Variants in NTM observed in about 807,000 individuals in gnomAD.
NTM encodes the protein IgLON family member 2.
Under a neutral mutation model 42.1 loss-of-function variants are expected in NTM, and 13 were observed. The observed-to-expected ratio is 0.31, with a 90% CI of 0.20 to 0.49. The LOEUF is 0.49. Among genes scored for constraint, NTM ranks in the 20% least tolerant of loss-of-function variants. The probability of loss-of-function intolerance (pLI) is 0.99; values close to 1 mark genes in which losing one functional copy is unlikely to be tolerated. For synonymous variants in NTM, 187 were observed against 179.2 expected, an observed-to-expected ratio of 1.04 and a Z score of -0.35; for missense variants, 373 against 452.8, an observed-to-expected ratio of 0.82 and a Z score of 1.60.
chr11:131,853,930 A>C (rs1378334463), intron 1 of NTM, among the ~76,000 whole-genome samples: 1 of 151,918 alleles, frequency 6.6e-6, no homozygotes. Context: ...TGAGTTATAC[A>C]CTCCTATTTT....
intron 1 of NTM, among the ~76,000 whole-genome samples, chr11:131,680,479 GCACGTCTGTGTAGGCA>G (rs2072336560): frequency 9.5e-4 from 121 of 127,832 alleles, no homozygotes; most frequent in East Asian, 2.3e-3. Flanking sequence ...CTGTGTGTGT[GCACGTCTGTGTAGGCA>G]TGTGTGCCTC....
chr11:131,698,589 T>C lies in NTM; in HGVS notation c.83-212975T>C, dbSNP rs1217253246. On this transcript the variant is annotated intron_variant, in intron 1 of 8. Transcript: ENST00000683400. ...ATTTCCCATTGGAAAAAAAAAGTCC[T>C]AAAGATTTAGCTAATAATTTTATAA... 2.0e-5 allele frequency among the ~76,000 whole-genome samples: 3 copies of C among 152,158 alleles called. No individual in the cohort carries two copies. In the East Asian group the frequency reaches 5.8e-4, roughly 29 times the overall value.
intron 1 of NTM, among the ~76,000 whole-genome samples, chr11:131,581,275 G>A (rs2058385346): frequency 6.6e-6 from 1 of 152,186 alleles, no homozygotes; most frequent in East Asian, 1.9e-4. Context: ...CTCTCCAAAT[G>A]TGTAGATACT....
chr11:132,297,343 C>T (rs947365535), intron 4 of NTM, among the ~76,000 whole-genome samples: 7 of 152,162 alleles, frequency 4.6e-5, no homozygotes, highest in Admixed American at 2.0e-4. Context: ...AAATGGGATT[C>T]TTCAGGAAAG....
At chr11:131,390,390 G>C (rs1187093268) in intron 1 of NTM, among the ~76,000 whole-genome samples, 1 of 152,136 alleles carries the variant, frequency 6.6e-6, no homozygotes, top group Non-Finnish European at 1.5e-5. Context: ...GATTTGGAGG[G>C]AACAGACTAT....
At chr11:131,591,803 G>C (rs377759878) in intron 1 of NTM, among the ~76,000 whole-genome samples, 84 of 152,318 alleles carry the variant, frequency 5.5e-4, no homozygotes, top group African/African-American at 1.9e-3. Flanking sequence ...AATGGGAAGG[G>C]GGCAGTTCAT....
chr11:132,175,863 C>T (rs1208947974), intron 3 of NTM, among the ~76,000 whole-genome samples: 2 of 152,158 alleles, frequency 1.3e-5, no homozygotes, highest in Non-Finnish European at 2.9e-5. Context: ...TCTCGGGTTC[C>T]CCATTGAACT....
intron 2 of NTM, among the ~76,000 whole-genome samples, chr11:131,976,788 G>C (rs2064451018): frequency 6.6e-6 from 1 of 152,196 alleles, no homozygotes; most frequent in Non-Finnish European, 1.5e-5. Flanking sequence ...GTAGTATTTT[G>C]CTTTGAAAAG....
chr11:131,543,131 G>T (rs1035698273), intron 1 of NTM, among the ~76,000 whole-genome samples: 2 of 152,156 alleles, frequency 1.3e-5, no homozygotes, highest in Non-Finnish European at 2.9e-5. Flanking sequence ...TGTCCTACTT[G>T]TGAGCCAGTT....
chr11:131,636,181 G>A (rs2064350720), intron 1 of NTM, among the ~76,000 whole-genome samples: 1 of 152,168 alleles, frequency 6.6e-6, no homozygotes, highest in African/African-American at 2.4e-5. Context: ...AGGAGACACA[G>A]AGCCCCACCA....
intron 7 of NTM, among the ~76,000 whole-genome samples, chr11:132,320,173 G>T (rs531903519): frequency 6.6e-6 from 1 of 152,194 alleles, no homozygotes; most frequent in Non-Finnish European, 1.5e-5. Flanking sequence ...GATAAAAGCC[G>T]CAAGATGGCT....
At chr11:131,463,615 TAAATC>T (rs1951613744) in intron 1 of NTM, among the ~76,000 whole-genome samples, 1 of 152,234 alleles carries the variant, frequency 6.6e-6, no homozygotes, top group South Asian at 2.1e-4. Context: ...TTATCAAAAA[TAAATC>T]TATTGAATTT....
chr11:131,995,029 T>G lies in NTM; in HGVS notation c.167+83381T>G, dbSNP rs113116883. Among the ~76,000 whole-genome samples, 630 of 152,272 alleles carry G rather than the reference T, an allele frequency of 4.1e-3. 6 individuals carry two copies. Among genetic ancestry groups the G allele is most frequent in the African/African-American group, 0.014 (587 of 41,546 alleles). ...GGTAGTTCAGACTGTTGTTCCCTCT[T>G]ATTTGCATTATTGAAATGAGCCAGA... On this transcript the variant is annotated intron_variant, in intron 2 of 8. Coordinates refer to ENST00000683400, the MANE Select transcript of NTM (RefSeq NM_001352005.2).
Position 131,712,194 on chromosome 11 carries a change from A to C in NTM, c.83-199370A>C, listed in dbSNP as rs542120646. ...AAATTAAAAAAAAAAACAAAAAAAA[A>C]CCCCAAAACAAACAAAAAGAAGAAG... On this transcript the variant is annotated intron_variant, in intron 1 of 8. Transcript: ENST00000683400. Among the ~76,000 whole-genome samples the C allele has an allele frequency of 8.0e-4, 115 of 143,592 alleles. 2 individuals are homozygous for C. Among genetic ancestry groups the C allele is most frequent in the East Asian group, 2.5e-3 (12 of 4,862 alleles). 94.2% of individuals were successfully genotyped at this position (143,592 alleles called of 152,430 possible).
At chr11:132,069,538 C>T (rs113238016) in intron 2 of NTM, among the ~76,000 whole-genome samples, 2 of 148,118 alleles carry the variant, frequency 1.4e-5, no homozygotes, top group Non-Finnish European at 3.0e-5. Flanking sequence ...TTAGTTAACA[C>T]GTCACCCAGC....
At chr11:131,856,557 G>A (rs2136904970) in intron 1 of NTM, among the ~76,000 whole-genome samples, 1 of 152,296 alleles carries the variant, frequency 6.6e-6, no homozygotes, top group South Asian at 2.1e-4. Context: ...CCCCAGTGCT[G>A]TGCTGGATGC....
chr11:131,789,554 AAGAAGAAG>A (rs1565552099), intron 1 of NTM, among the ~76,000 whole-genome samples: 1 of 13,924 alleles, frequency 7.2e-5, no homozygotes, highest in Non-Finnish European at 1.3e-4. Context: ...AGAAAAGAAG[AAGAAGAAG>A]AAGAAGAAGA....
intron 2 of NTM, among the ~76,000 whole-genome samples, chr11:132,124,898 C>T (rs370296182): frequency 3.3e-5 from 5 of 152,100 alleles, no homozygotes; most frequent in East Asian, 1.9e-4. Context: ...CTGTAGCTAG[C>T]GCCAGTTGTC....
intron 2 of NTM, among the ~76,000 whole-genome samples, chr11:132,127,831 A>G (rs779063958): frequency 3.3e-5 from 5 of 152,196 alleles, no homozygotes; most frequent in Non-Finnish European, 5.9e-5. Flanking sequence ...TTAATAGGAG[A>G]AAGAGTGTCA....
Sources: allele counts gnomAD v4.1 joint callset (sites outside exome capture counted in the v4.1 genomes callset), GRCh38; gene constraint gnomAD v4.1.1; transcripts MANE v1.5; gene names NCBI Gene and HGNC (gene_info 2026-07-23, HGNC 2026-07-21).